The following CPXM2 variants were observed in gnomAD, a reference collection of about 807,000 sequenced individuals.
CPXM2 encodes the protein carboxypeptidase X, M14 family member 2, also known as inactive carboxypeptidase-like protein X2.
In CPXM2, 66 loss-of-function variants were observed where a neutral mutation model predicts 86.1. That is an observed-to-expected ratio of 0.77 (90% CI 0.63 to 0.94). The LOEUF is 0.94. CPXM2 is among the 40% of genes least tolerant of loss of function. The probability of loss-of-function intolerance (pLI) is 0.00; values close to 1 mark genes in which losing one functional copy is unlikely to be tolerated. For missense variants in CPXM2, 948 were observed against 1,026.3 expected, an observed-to-expected ratio of 0.92 and a Z score of 1.04; for synonymous variants, 388 against 400.2, an observed-to-expected ratio of 0.97 and a Z score of 0.36.
At chr10:123,927,136 G>C (rs1590126070) in intron 2 of CPXM2, among the ~76,000 whole-genome samples, 1 of 152,198 alleles carries the variant, frequency 6.6e-6, no homozygotes. Flanking sequence ...CTCCACAGGG[G>C]TCCCCTCATG....
At chr10:123,868,045 C>T (rs1944825305) in intron 2 of CPXM2, among the ~76,000 whole-genome samples, 2 of 152,160 alleles carry the variant, frequency 1.3e-5, no homozygotes, top group Admixed American at 6.5e-5. Flanking sequence ...GGCCTCAGAG[C>T]CACAGGGGCT....
At chr10:123,808,304 AAAAC>A (rs2134087034) in intron 4 of CPXM2, among the ~76,000 whole-genome samples, 1 of 152,326 alleles carries the variant, frequency 6.6e-6, no homozygotes, top group East Asian at 1.9e-4. Flanking sequence ...ACAAATGCTT[AAAAC>A]CATCAGTGGG....
At chr10:123,942,347 T>C (rs1211388573), upstream of CPXM2, among the ~76,000 whole-genome samples, 3 of 152,068 alleles carry the variant, frequency 2.0e-5, no homozygotes, top group Non-Finnish European at 4.4e-5. Flanking sequence ...TAACCTACGA[T>C]GTCACAGGAT....
intron 2 of CPXM2, among the ~76,000 whole-genome samples, chr10:123,923,486 CAGG>C (rs1945594276): frequency 6.7e-6 from 1 of 150,276 alleles, no homozygotes; most frequent in South Asian, 2.1e-4. Flanking sequence ...GAGGCTGAGG[CAGG>C]AGAATGGCGT....
intron 4 of CPXM2, among the ~76,000 whole-genome samples, chr10:123,834,504 A>C (rs1848238546): frequency 6.6e-6 from 1 of 152,286 alleles, no homozygotes; most frequent in African/African-American, 2.4e-5. Context: ...GAGCACAAGG[A>C]GGGTTGTGCC....
At chr10:123,752,953 T>C (rs1217556344) in intron 13 of CPXM2, among the ~76,000 whole-genome samples, 1 of 152,056 alleles carries the variant, frequency 6.6e-6, no homozygotes, top group African/African-American at 2.4e-5. Flanking sequence ...CACATGAGCC[T>C]CTTACGTGGT....
chr10:123,880,088 G>T lies in CPXM2; in HGVS notation c.403+123C>A, dbSNP rs191354323. On this transcript the variant is annotated intron_variant, in intron 2 of 13. Transcript: ENST00000241305. ...CACCATGGATCGGAATAGACAGCAG[G>T]CCCCAGGCAGCCCCACACTCGGGAA... is the stretch of plus-strand genomic sequence containing the variant. The T allele has an allele frequency of 4.3e-5, 27 of 632,316 alleles. No individual in the cohort carries two copies. The African/African-American group carries it at 4.5e-4, about 11-fold the overall frequency. The allele number at this position is 632,316 out of a possible 1,614,324, so 39.2% of individuals were successfully genotyped here.
At chr10:123,906,694 G>T (rs138802557) in intron 2 of CPXM2, among the ~76,000 whole-genome samples, 21 of 152,222 alleles carry the variant, frequency 1.4e-4, no homozygotes, top group African/African-American at 5.1e-4. Context: ...CCCAAACTTG[G>T]CTCCAAAAGA....
At chr10:123,811,253 C>T (rs543278743) in intron 4 of CPXM2, among the ~76,000 whole-genome samples, 1 of 151,590 alleles carries the variant, frequency 6.6e-6, no homozygotes, top group African/African-American at 2.4e-5. Context: ...CACCCATTAA[C>T]TCGTCATTTA....
At chr10:123,795,549 A>G (rs977203336) in intron 6 of CPXM2, among the ~76,000 whole-genome samples, 2 of 152,158 alleles carry the variant, frequency 1.3e-5, no homozygotes, top group Non-Finnish European at 2.9e-5. Context: ...CTCTGGCCTC[A>G]ATAACTTTTA....
At chr10:123,837,169 C>T (rs973140144) in intron 4 of CPXM2, among the ~76,000 whole-genome samples, 3 of 152,266 alleles carry the variant, frequency 2.0e-5, no homozygotes, top group Middle Eastern at 3.2e-3. Context: ...CCTGCTAAGA[C>T]TTTCCATTGC....
In CPXM2 at chr10:123,746,515, T is replaced by C; in HGVS notation, c.*249A>G. 1.9e-6 allele frequency: 1 copy of C among 526,594 alleles called. No individual in the cohort carries two copies. The highest frequency in any genetic ancestry group is 3.4e-6 in the Non-Finnish European group (1 of 298,468). 32.6% of individuals were successfully genotyped at this position (526,594 alleles called of 1,614,324 possible). A position where few individuals can be genotyped will look rare whatever the true frequency, so the allele number is the denominator to read the frequency against. On this transcript the variant is annotated 3_prime_UTR_variant, in exon 14 of 14. Coordinates refer to ENST00000241305, the MANE Select transcript of CPXM2 (RefSeq NM_198148.3). ...CTCTCTGATTCCCAGGTTGGCTTGC[T>C]GAGTTCTCTCACTCCCATCAGCTTT...
intron 2 of CPXM2, among the ~76,000 whole-genome samples, chr10:123,922,884 G>C (rs557389756): frequency 7.9e-5 from 12 of 152,184 alleles, no homozygotes; most frequent in African/African-American, 2.9e-4. Context: ...CGAGGCCAAC[G>C]TATCACCCAC....
Position 123,786,789 on chromosome 10 carries a change from G to C in CPXM2, c.890-6534C>G, listed in dbSNP as rs147987014. On this transcript the variant is annotated intron_variant, in intron 6 of 13. Coordinates refer to ENST00000241305, the MANE Select transcript of CPXM2 (RefSeq NM_198148.3). Reference sequence around the variant, plus strand: ...CTTCCCAAGCACCAAAAAAAGACAAGATCCTTCACCTCTCCCTGAGACGTC... The same window carrying C: ...CTTCCCAAGCACCAAAAAAAGACAACATCCTTCACCTCTCCCTGAGACGTC... Among the ~76,000 whole-genome samples the C allele has an allele frequency of 2.5e-3, 381 of 152,154 alleles. 1 individual carries two copies. Among genetic ancestry groups the C allele is most frequent in the Non-Finnish European group, 3.9e-3 (265 of 68,008 alleles).
intron 7 of CPXM2, 22 bp downstream of exon 7, chr10:123,780,145 G>C (rs1377633316): frequency 1.3e-6 from 2 of 1,487,306 alleles, no homozygotes; most frequent in African/African-American, 2.8e-5. Flanking sequence ...CCTGGCATGA[G>C]GCTTTGTGAT....
At chr10:123,799,038 G>A (rs1349043634) in intron 5 of CPXM2, 77 bp downstream of exon 5, 3 of 1,515,928 alleles carry the variant, frequency 2.0e-6, no homozygotes, top group East Asian at 4.5e-5. Flanking sequence ...CCAAAGAGTT[G>A]ATCATACATT....
chr10:123,830,033 A>G (rs1233106986), intron 4 of CPXM2, among the ~76,000 whole-genome samples: 1 of 152,202 alleles, frequency 6.6e-6, no homozygotes, highest in Non-Finnish European at 1.5e-5. Flanking sequence ...TCAATGTAAA[A>G]ATTGAAATAA....
intron 2 of CPXM2, among the ~76,000 whole-genome samples, chr10:123,925,392 A>T (rs1945614796): frequency 6.6e-6 from 1 of 152,234 alleles, no homozygotes; most frequent in Non-Finnish European, 1.5e-5. Context: ...CAGTGAATCC[A>T]AGATCACCTT....
At chr10:123,883,462 C>T (rs1401637624) in intron 1 of CPXM2, among the ~76,000 whole-genome samples, 1 of 152,220 alleles carries the variant, frequency 6.6e-6, no homozygotes, top group Non-Finnish European at 1.5e-5. Context: ...GCAACAATAC[C>T]TGCCACGGTG....
Sources: allele counts gnomAD v4.1 joint callset (sites outside exome capture counted in the v4.1 genomes callset), GRCh38; gene constraint gnomAD v4.1.1; transcripts MANE v1.5; gene names NCBI Gene and HGNC (gene_info 2026-07-23, HGNC 2026-07-21).